The following ATRN variants were observed in gnomAD, a reference collection of about 807,000 sequenced individuals.
ATRN encodes attractin.
Under a neutral mutation model 178.7 loss-of-function variants are expected in ATRN, and 54 were observed. The observed-to-expected ratio is 0.30, with a 90% CI of 0.24 to 0.38. The LOEUF (loss-of-function observed/expected upper bound fraction) is 0.38, where lower values mean the gene tolerates loss of function less well. Among genes scored for constraint, ATRN ranks in the 10% least tolerant of loss-of-function variants. The pLI, the probability that ATRN is intolerant of heterozygous loss-of-function variation, is 1.00. For synonymous variants in ATRN, 636 were observed against 663.0 expected, an observed-to-expected ratio of 0.96 and a Z score of 0.63; for missense variants, 1,443 against 1,815.1, an observed-to-expected ratio of 0.79 and a Z score of 3.73.
intron 2 of ATRN, among the ~76,000 whole-genome samples, chr20:3,539,899 G>A (rs765166898): frequency 1.1e-4 from 16 of 152,144 alleles, no homozygotes; most frequent in Admixed American, 3.9e-4. Flanking sequence ...ATGAAATGAC[G>A]TAGTGTGGAA....
At chr20:3,585,094 A>C (rs760532887) in intron 18 of ATRN, among the ~76,000 whole-genome samples, 4 of 152,178 alleles carry the variant, frequency 2.6e-5, no homozygotes, top group Non-Finnish European at 4.4e-5. Context: ...ACCAATTCTA[A>C]GAAATTGGCC....
At chr20:3,628,757 T>G (rs1473800849) in intron 25 of ATRN, 1 of 402,228 alleles carries the variant, frequency 2.5e-6, no homozygotes, top group East Asian at 1.6e-4. Flanking sequence ...TCTTCTTGAC[T>G]TCTCGGTGAT....
intron 1 of ATRN, among the ~76,000 whole-genome samples, chr20:3,515,303 T>C (rs1483588403): frequency 2.0e-5 from 3 of 152,266 alleles, no homozygotes; most frequent in Admixed American, 2.0e-4. Context: ...AAAATGTATA[T>C]AGGTGGTATG....
chr20:3,500,996 T>C (rs1025489909), intron 1 of ATRN, among the ~76,000 whole-genome samples: 1 of 152,170 alleles, frequency 6.6e-6, no homozygotes, highest in African/African-American at 2.4e-5. Context: ...CACATGATCT[T>C]TCAAATGACT....
At chr20:3,593,139 A>G (rs183905025) in intron 19 of ATRN, among the ~76,000 whole-genome samples, 1 of 152,226 alleles carries the variant, frequency 6.6e-6, no homozygotes, top group East Asian at 1.9e-4. Context: ...GACCTTAATT[A>G]CTTGGCTGGT....
chr20:3,563,355 A>T lies in ATRN; in HGVS notation c.1778A>T (p.Tyr593Phe). 1 of 1,613,382 alleles carries T rather than the reference A, an allele frequency of 6.2e-7. No homozygotes were observed. The highest frequency in any genetic ancestry group is 1.1e-5 in the South Asian group (1 of 90,920). The change falls in exon 10 of 29, where the codon TAT (tyrosine) becomes TTT (phenylalanine). Residue 593 changes from tyrosine to phenylalanine, a missense_variant. Coordinates refer to ENST00000262919, the MANE Select transcript of ATRN (RefSeq NM_139321.3). ...TGCTTCTCTTCAGATTTCATGGCCT[A>T]TGACATTGGTAAGTTTCCCAAAACC... ...AKCFSSDFMA[Y>F]DIACDRWSVL...
chr20:3,508,936 G>T (rs1294184676), intron 1 of ATRN, among the ~76,000 whole-genome samples: 1 of 151,894 alleles, frequency 6.6e-6, no homozygotes, highest in Non-Finnish European at 1.5e-5. Flanking sequence ...ATAATTTCTA[G>T]GGTAATCACT....
intron 1 of ATRN, among the ~76,000 whole-genome samples, chr20:3,502,310 C>T (rs1311681868): frequency 1.3e-5 from 2 of 152,092 alleles, no homozygotes; most frequent in African/African-American, 4.8e-5. Flanking sequence ...CTGCTCTTCC[C>T]TGCTAAGTAC....
chr20:3,575,948 G>GGT lies in ATRN; in HGVS notation c.2214+1_2214+2dup, dbSNP rs1166895042. On this transcript the variant is annotated frameshift_variant and splice_region_variant. Transcript: ENST00000262919. LOFTEE classifies it high-confidence loss of function. Reference sequence around the variant, plus strand: ...GGAACCACAGCTGCTCAGAAGGCCAGGTCAGAGGCTGTTTCTTAAAGATTT... The same window carrying GGT: ...GGAACCACAGCTGCTCAGAAGGCCAGGTGTCAGAGGCTGTTTCTTAAAGATTT... 6.2e-7 allele frequency: 1 copy of GGT among 1,612,498 alleles called. No homozygotes were observed. The highest frequency in any genetic ancestry group is 1.7e-5 in the Admixed American group (1 of 59,568).
intron 11 of ATRN, 77 bp from the exon 12 acceptor site, chr20:3,572,654 A>G (rs901553426): frequency 6.0e-5 from 6 of 99,802 alleles, no homozygotes; most frequent in Non-Finnish European, 6.9e-5. Flanking sequence ...CTGTCTCTTA[A>G]AAAAAAAAAA....
intron 18 of ATRN, among the ~76,000 whole-genome samples, chr20:3,589,487 T>A (rs2086408502): frequency 6.6e-6 from 1 of 152,218 alleles, no homozygotes; most frequent in African/African-American, 2.4e-5. Flanking sequence ...AATTTAAGCC[T>A]TATTGAATGT....
At chr20:3,543,349 A>G (rs1328295172) in intron 3 of ATRN, among the ~76,000 whole-genome samples, 1 of 152,236 alleles carries the variant, frequency 6.6e-6, no homozygotes, top group Non-Finnish European at 1.5e-5. Context: ...TTAGTTGAAT[A>G]CATAGTAGAA....
intron 6 of ATRN, 152 bp downstream of exon 6, chr20:3,549,490 C>A: frequency 1.4e-6 from 1 of 694,102 alleles, no homozygotes; most frequent in Non-Finnish European, 2.2e-6. Flanking sequence ...AGTGTTTTGA[C>A]ATATGTTGAG....
chr20:3,642,971 G>GT (rs1410723019), intron 27 of ATRN, among the ~76,000 whole-genome samples: 4 of 152,008 alleles, frequency 2.6e-5, no homozygotes, highest in Non-Finnish European at 4.4e-5. Flanking sequence ...AAGTTTTTTT[G>GT]TTTTTGTGAG....
At chr20:3,635,685 A>G (rs865973215) in intron 26 of ATRN, among the ~76,000 whole-genome samples, 38 of 152,264 alleles carry the variant, frequency 2.5e-4, no homozygotes, top group African/African-American at 8.9e-4. Context: ...TGTTGATAGG[A>G]TATTCATGTC....
At position 3,576,695 on chromosome 20, in the gene ATRN, G is replaced by GTCTGTCTGTCTGTCTGTCTATCTA. The variant is rs11472378; in HGVS notation, c.2215-161_2215-160insGTCTGTCTGTCTGTCTATCTATCT. 5.1e-4 allele frequency among the ~76,000 whole-genome samples: 72 copies of GTCTGTCTGTCTGTCTGTCTATCTA among 142,386 alleles called. 1 individual carries two copies. In the South Asian group the frequency reaches 8.1e-3, roughly 16 times the overall value. The allele number at this position is 142,386 out of a possible 152,430, so 93.4% of individuals were successfully genotyped here. A position where few individuals can be genotyped will look rare whatever the true frequency, so the allele number is the denominator to read the frequency against. ...TATCTATCTATCTGTCTGTCTGTCT[G>GTCTGTCTGTCTGTCTGTCTATCTA]TCTATCTATCTATCTATCTATCTAT... On this transcript the variant is annotated intron_variant, in intron 13 of 28. Transcript: ENST00000262919.
intron 27 of ATRN, among the ~76,000 whole-genome samples, chr20:3,639,829 A>G (rs1474116146): frequency 6.6e-6 from 1 of 152,172 alleles, no homozygotes; most frequent in Non-Finnish European, 1.5e-5. Context: ...AAAAGAACAA[A>G]CCATAAACCA....
chr20:3,478,622 C>T lies in ATRN; in HGVS notation c.410+7105C>T, dbSNP rs578075843. Among the ~76,000 whole-genome samples the T allele has an allele frequency of 1.9e-4, 29 of 152,162 alleles. No homozygotes were observed. In the South Asian group the frequency reaches 4.6e-3, roughly 24 times the overall value. ...ATGGGTGCAGTAAACCACTGTGGCA[C>T]GTGTATGTCTGTGTAACAAATCTGC... is the stretch of plus-strand genomic sequence containing the variant. On this transcript the variant is annotated intron_variant, in intron 1 of 28. Transcript: ENST00000262919.
intron 1 of ATRN, among the ~76,000 whole-genome samples, chr20:3,522,518 G>T (rs1046811809): frequency 6.6e-6 from 1 of 152,154 alleles, no homozygotes; most frequent in East Asian, 1.9e-4. Context: ...CCTGCCTGCC[G>T]GCTCTGAAGA....
Sources: gnomAD v4.1 joint callset for allele counts (sites outside exome capture counted in the v4.1 genomes callset) on GRCh38, gnomAD v4.1.1 for gene constraint, MANE v1.5 for transcripts, NCBI Gene and HGNC (gene_info 2026-07-23, HGNC 2026-07-21) for gene names.